The following PIKFYVE variants were observed in gnomAD, a reference collection of about 807,000 sequenced individuals.
PIKFYVE encodes the protein phosphoinositide kinase, FYVE-type zinc finger containing.
A neutral mutation model predicts 257.9 loss-of-function variants in PIKFYVE; 122 were observed. That is an observed-to-expected ratio of 0.47 (90% CI 0.41 to 0.55). The LOEUF (loss-of-function observed/expected upper bound fraction) is 0.55. Among genes scored for constraint, PIKFYVE ranks in the 20% least tolerant of loss-of-function variants. PIKFYVE has a pLI of 0.00. For missense variants in PIKFYVE, 2,160 were observed against 2,536.6 expected (o/e 0.85, Z 3.19); for synonymous variants, 892 against 868.9 (o/e 1.03, Z -0.47).
rs1559172593 is a variant in PIKFYVE, at chr2:208,348,598, A to ATGTG, written c.5374+575_5374+576insTGTG. Among the ~76,000 whole-genome samples the ATGTG allele has an allele frequency of 3.3e-4, 21 of 64,046 alleles. No homozygotes were observed. In the East Asian group the frequency reaches 5.7e-3, roughly 17 times the overall value. The allele number at this position is 64,046 out of a possible 152,430, so 42.0% of individuals were successfully genotyped here. A position where few individuals can be genotyped will look rare whatever the true frequency, so the allele number is the denominator to read the frequency against. On this transcript the variant is annotated intron_variant, in intron 35 of 41. Coordinates refer to ENST00000264380, the MANE Select transcript of PIKFYVE (RefSeq NM_015040.4). ...ACCTCTGTCTCTACCAAAAAAAAAA[A>ATGTG]AGTGTGTGTGTGTGTGTGTGTGTGT...
intron 12 of PIKFYVE, among the ~76,000 whole-genome samples, chr2:208,308,493 A>G (rs1372984491): frequency 6.6e-6 from 1 of 152,120 alleles, no homozygotes; most frequent in East Asian, 1.9e-4. Flanking sequence ...ATACACTATT[A>G]TTAACTGTAG....
chr2:208,267,293 T>A (rs1688765258), intron 1 of PIKFYVE, among the ~76,000 whole-genome samples: 2 of 152,104 alleles, frequency 1.3e-5, no homozygotes, highest in African/African-American at 4.8e-5. Flanking sequence ...TTACAAAAAA[T>A]GTTCTTTCTT....
At position 208,341,301 on chromosome 2, in the gene PIKFYVE, C is replaced by CT. The variant is rs534893210; in HGVS notation, c.4931+1180dup. On this transcript the variant is annotated intron_variant, in intron 31 of 41. Coordinates refer to ENST00000264380, the MANE Select transcript of PIKFYVE (RefSeq NM_015040.4). Reference sequence around the variant, plus strand: ...GAGCTACTGGACCCGGCCCTTTAAACTTTTTTTTTTAATATAGTTTTTTTC... The same window carrying CT: ...GAGCTACTGGACCCGGCCCTTTAAACTTTTTTTTTTTAATATAGTTTTTTTC... Among the ~76,000 whole-genome samples, 640 of 149,860 alleles carry CT rather than the reference C, an allele frequency of 4.3e-3. 3 individuals carry two copies. Among genetic ancestry groups the CT allele is most frequent in the Middle Eastern group, 0.014 (4 of 290 alleles).
In PIKFYVE at chr2:208,325,656, G is replaced by C; in HGVS notation, c.2845G>C (p.Ala949Pro). The change falls in exon 20 of 42, where the codon GCT becomes CCT. Residue 949 changes from alanine to proline, a missense_variant. Physicochemically the swap from Ala to Pro is conservative, Grantham distance 27 (BLOSUM62 -1). Around this residue, in one of 12 missense-constraint regions of PIKFYVE, gnomAD observed 522 missense variants for 514.6 expected, o/e 1.01. Transcript: ENST00000264380. ...GEQENKNLPQAVASVKHQEHS... is the reference protein window; with the variant it reads ...GEQENKNLPQPVASVKHQEHS... ...GCAGGAAAATAAAAATCTTCCGCAGGCTGTTGCCTCTGTGAAGCATCAAGA... is the reference window on the plus strand; with the variant it reads ...GCAGGAAAATAAAAATCTTCCGCAGCCTGTTGCCTCTGTGAAGCATCAAGA... 6.2e-7 allele frequency: 1 copy of C among 1,614,098 alleles called. No individual in the cohort carries two copies.
Position 208,326,340 on chromosome 2 carries a change from T to G in PIKFYVE, c.3529T>G (p.Ser1177Ala), listed in dbSNP as rs1696917576. The G allele has an allele frequency of 6.2e-7, 1 of 1,613,616 alleles. No individual in the cohort carries two copies. Among genetic ancestry groups the G allele is most frequent in the African/African-American group, 1.3e-5 (1 of 74,900 alleles). ...CCCTTTTGCTCATTCAAAGGATGCA[T>G]CAAGTACTTCAAGTGGCCAATCAGG... Reference protein sequence around the residue: ...SDPFAHSKDASSTSSGQSGSK... With the variant: ...SDPFAHSKDAASTSSGQSGSK... Residue 1177 changes from serine (S) to alanine (A), a missense_variant, in exon 20 of 42, where the codon TCA becomes GCA. By Grantham distance (99) the Ser-to-Ala change is moderately conservative. Around this residue, in one of 12 missense-constraint regions of PIKFYVE, gnomAD observed 522 missense variants for 514.6 expected, o/e 1.01. Coordinates refer to ENST00000264380, the MANE Select transcript of PIKFYVE (RefSeq NM_015040.4).
chr2:208,315,402 T>G (rs1169719185), intron 15 of PIKFYVE, 29 bp downstream of exon 15: 2 of 1,610,412 alleles, frequency 1.2e-6, no homozygotes, highest in South Asian at 2.2e-5. Flanking sequence ...TTACTAATGC[T>G]AGGAACTGAT....
chr2:208,338,460 T>A (rs1372593626), intron 28 of PIKFYVE, 48 bp from the exon 29 acceptor site: 1 of 1,582,652 alleles, frequency 6.3e-7, no homozygotes. Context: ...ATTTTTTGAA[T>A]GTGATTTTCA....
At chr2:208,280,766 G>A (rs1381121001) in intron 5 of PIKFYVE, among the ~76,000 whole-genome samples, 1 of 152,170 alleles carries the variant, frequency 6.6e-6, no homozygotes, top group Non-Finnish European at 1.5e-5. Flanking sequence ...ACTTGATATG[G>A]AGTTGTTTCC....
At chr2:208,339,758 C>T (rs574874128) in intron 30 of PIKFYVE, among the ~76,000 whole-genome samples, 17 of 152,174 alleles carry the variant, frequency 1.1e-4, no homozygotes, top group African/African-American at 3.1e-4. Flanking sequence ...CTATTTAACT[C>T]GGGTGTAATA....
At chr2:208,329,173 A>G (rs1697248001) in intron 21 of PIKFYVE, among the ~76,000 whole-genome samples, 1 of 152,236 alleles carries the variant, frequency 6.6e-6, no homozygotes, top group Non-Finnish European at 1.5e-5. Flanking sequence ...ACTATGGAAC[A>G]TAACTTCTTG....
intron 7 of PIKFYVE, among the ~76,000 whole-genome samples, chr2:208,295,954 C>T (rs1007950760): frequency 1.3e-5 from 2 of 152,038 alleles, no homozygotes; most frequent in Non-Finnish European, 2.9e-5. Flanking sequence ...TGACATTCTA[C>T]TCTGAAAAGC....
intron 35 of PIKFYVE, 121 bp from the exon 36 acceptor site, chr2:208,349,903 G>A: frequency 7.1e-7 from 1 of 1,416,922 alleles, no homozygotes; most frequent in Non-Finnish European, 9.6e-7. Flanking sequence ...AGTGACTTGA[G>A]TAGGATATTT....
At chr2:208,316,617 C>T (rs570014259) in intron 15 of PIKFYVE, among the ~76,000 whole-genome samples, 3 of 152,252 alleles carry the variant, frequency 2.0e-5, no homozygotes, top group African/African-American at 4.8e-5. Context: ...TTGCATTTCT[C>T]TGATGAAAAA....
chr2:208,292,614 C>CT (rs901758801), intron 7 of PIKFYVE, among the ~76,000 whole-genome samples: 16 of 151,830 alleles, frequency 1.1e-4, no homozygotes, highest in Non-Finnish European at 7.4e-5. Context: ...TACTCCTGCT[C>CT]TTTTTTTTAT....
chr2:208,287,934 A>G (rs571993108), intron 6 of PIKFYVE, among the ~76,000 whole-genome samples: 619 of 20,524 alleles, frequency 0.03, 3 homozygotes, highest in Non-Finnish European at 0.14. Context: ...TGTTTATGGC[A>G]TTATGATTTT....
chr2:208,285,823 A>G lies in PIKFYVE; in HGVS notation c.711A>G (p.Ser237=). 1 of 1,614,066 alleles carries G rather than the reference A, an allele frequency of 6.2e-7. No individual in the cohort carries two copies. The highest frequency in any genetic ancestry group is 8.5e-7 in the Non-Finnish European group (1 of 1,179,956). The change falls in exon 6 of 42, where the codon TCA becomes TCG. Residue 237 remains serine, a synonymous_variant. Transcript: ENST00000264380. ...NSIGEDLNAL[S]DSACSVSVLD... ...TTGGGGAAGACTTGAATGCTCTTTCAGATTCTGCTTGCTCTGTGTCTGTGC... is the reference window on the plus strand; with the variant it reads ...TTGGGGAAGACTTGAATGCTCTTTCGGATTCTGCTTGCTCTGTGTCTGTGC...
chr2:208,313,737 C>A (rs552280138), intron 13 of PIKFYVE, among the ~76,000 whole-genome samples: 1 of 152,154 alleles, frequency 6.6e-6, no homozygotes, highest in African/African-American at 2.4e-5. Context: ...CGTGTGCCAA[C>A]ACGCCCAGCT....
intron 15 of PIKFYVE, among the ~76,000 whole-genome samples, chr2:208,315,894 C>CT (rs1222369359): frequency 2.7e-5 from 4 of 148,444 alleles, no homozygotes; most frequent in Non-Finnish European, 5.9e-5. Flanking sequence ...TATTATTATA[C>CT]TTTAAGTTTT....
intron 11 of PIKFYVE, among the ~76,000 whole-genome samples, 189 bp downstream of exon 11, chr2:208,304,507 T>C (rs1272656996): frequency 6.6e-6 from 1 of 152,240 alleles, no homozygotes; most frequent in East Asian, 1.9e-4. Flanking sequence ...TTGACATTTC[T>C]AGATTTTACC....
Sources: gnomAD v4.1 joint callset for allele counts (sites outside exome capture counted in the v4.1 genomes callset) on GRCh38, gnomAD v4.1.1 for gene constraint, gnomAD v4.1.1 regional missense constraint, MANE v1.5 for transcripts, NCBI Gene and HGNC (gene_info 2026-07-23, HGNC 2026-07-21) for gene names.